PPP1R9A: variants seen among roughly 807,000 people sequenced by gnomAD.
PPP1R9A encodes the protein neurabin-1.
A neutral mutation model predicts 141.9 loss-of-function variants in PPP1R9A; 59 were observed. That is an observed-to-expected ratio of 0.42 (90% CI 0.34 to 0.52). PPP1R9A has a LOEUF of 0.52. Among genes scored for constraint, PPP1R9A ranks in the 20% least tolerant of loss-of-function variants. The pLI is 0.10. For missense variants in PPP1R9A, 1,444 were observed against 1,611.9 expected (o/e 0.90, Z 1.78); for synonymous variants, 500 against 569.7 (o/e 0.88, Z 1.74).
intron 6 of PPP1R9A, 94 bp downstream of exon 6, chr7:95,198,578 C>T (rs890607339): frequency 1.5e-6 from 2 of 1,373,478 alleles, no homozygotes; most frequent in South Asian, 4.0e-5. Context: ...TATGCAGTTT[C>T]TTGAGGAAGG....
In PPP1R9A at chr7:95,120,882, T is replaced by C. The variant is rs768082894; in HGVS notation, c.1649+50T>C. ...ACTTAAAATCTTTAGAGAACTTTCC[T>C]GGAAGTTTCCTTCAGTTGTAGCTTT... On this transcript the variant is annotated intron_variant, in intron 4 of 19. Transcript: ENST00000433360. 4 of 1,556,530 alleles carry C rather than the reference T, an allele frequency of 2.6e-6. 1 individual carries two copies. Among genetic ancestry groups the C allele is most frequent in the South Asian group, 2.5e-5 (2 of 80,530 alleles).
At chr7:95,230,478 A>G (rs1795770944) in intron 8 of PPP1R9A, among the ~76,000 whole-genome samples, 1 of 152,098 alleles carries the variant, frequency 6.6e-6, no homozygotes. Flanking sequence ...AACAGTCACA[A>G]CTTCTGGAAA....
At chr7:95,282,175 A>T (rs1490563906) in intron 16 of PPP1R9A, among the ~76,000 whole-genome samples, 1 of 152,118 alleles carries the variant, frequency 6.6e-6, no homozygotes, top group Non-Finnish European at 1.5e-5. Flanking sequence ...TACAAAAAAT[A>T]AAAAAGTTAG....
In PPP1R9A at chr7:94,910,463, A is replaced by G. The variant is rs368743894; in HGVS notation, c.350A>G (p.Glu117Gly). 2.7e-5 allele frequency: 43 copies of G among 1,614,090 alleles called. No homozygotes were observed. In the East Asian group the frequency reaches 2.7e-4, roughly 10 times the overall value. The change falls in exon 2 of 20, where the codon GAG becomes GGG. Residue 117 changes from glutamate to glycine, a missense_variant. By Grantham distance (98) the Glu-to-Gly change is moderately conservative. Coordinates refer to ENST00000433360, the MANE Select transcript of PPP1R9A (RefSeq NM_001166160.2). The surrounding 1 kb of genome is among the most constrained non-coding windows in gnomAD (Gnocchi z 4.5). ...EKTDGSVVKL[E>G]SSVSERISRF... ...ACAGATGGCTCAGTTGTTAAGTTGG[A>G]GTCTTCTGTTTCTGAACGAATTAGT...
At chr7:95,076,975 T>C (rs548122541) in intron 2 of PPP1R9A, among the ~76,000 whole-genome samples, 112 of 152,272 alleles carry the variant, frequency 7.4e-4, no homozygotes, top group Middle Eastern at 3.4e-3. Context: ...CCAATGTTTA[T>C]ACCTTTTATT....
intron 5 of PPP1R9A, among the ~76,000 whole-genome samples, chr7:95,171,290 A>G (rs1282252999): frequency 2.0e-5 from 3 of 151,632 alleles, no homozygotes; most frequent in Non-Finnish European, 3.0e-5. Context: ...AGAGATTGTC[A>G]TATTATATTT....
intron 14 of PPP1R9A, among the ~76,000 whole-genome samples, chr7:95,270,206 C>T (rs1400001844): frequency 6.6e-6 from 1 of 152,136 alleles, no homozygotes; most frequent in Admixed American, 6.5e-5. Context: ...AAGAAAGCTT[C>T]CTGATGCCTG....
rs760655541 is a variant in PPP1R9A at position 94,911,084 on chromosome 7, C to T, written c.971C>T (p.Pro324Leu). The T allele has an allele frequency of 6.2e-7, 1 of 1,614,156 alleles. No individual in the cohort carries two copies. Among genetic ancestry groups the T allele is most frequent in the Non-Finnish European group, 8.5e-7 (1 of 1,180,018 alleles). Reference sequence around the variant, plus strand: ...ATTGACAAAGATGGTCCTGAAGAACCTTGTGCTGAAAGTAAGGCAATGCCA... The same window carrying T: ...ATTGACAAAGATGGTCCTGAAGAACTTTGTGCTGAAAGTAAGGCAATGCCA... The part of the protein sequence containing the change: ...DSIDKDGPEE[P>L]CAESKAMPKS... Residue 324 changes from proline (P) to leucine (L), a missense_variant, in exon 2 of 20, where the codon CCT becomes CTT. Pro to Leu is a moderately conservative substitution (Grantham distance 98). This residue lies in a region of PPP1R9A where 490 missense variants were observed against 521.1 expected (regional missense o/e 0.94). Coordinates refer to ENST00000433360, the MANE Select transcript of PPP1R9A (RefSeq NM_001166160.2).
At chr7:95,189,004 A>T (rs1375295752) in intron 5 of PPP1R9A, among the ~76,000 whole-genome samples, 1 of 152,110 alleles carries the variant, frequency 6.6e-6, no homozygotes, top group African/African-American at 2.4e-5. Flanking sequence ...TTCTCTCAGC[A>T]TTTATTTCTT....
chr7:95,261,862 G>T (rs183307579), intron 12 of PPP1R9A, among the ~76,000 whole-genome samples: 2 of 152,188 alleles, frequency 1.3e-5, no homozygotes, highest in African/African-American at 4.8e-5. Context: ...ACACTTCCAA[G>T]GATTGTGAAC....
chr7:95,235,953 A>T (rs963966877), intron 8 of PPP1R9A, among the ~76,000 whole-genome samples: 2 of 152,174 alleles, frequency 1.3e-5, no homozygotes, highest in Non-Finnish European at 2.9e-5. Flanking sequence ...ATGGGTACAC[A>T]AAGGCATGAG....
chr7:95,019,202 CT>C (rs1563127613), intron 2 of PPP1R9A, among the ~76,000 whole-genome samples: 1 of 152,110 alleles, frequency 6.6e-6, no homozygotes. Flanking sequence ...CGAGACCAGC[CT>C]GGCTAACATG....
intron 2 of PPP1R9A, among the ~76,000 whole-genome samples, chr7:95,109,683 A>C (rs1019633604): frequency 1.3e-5 from 2 of 152,032 alleles, no homozygotes; most frequent in Non-Finnish European, 2.9e-5. Flanking sequence ...TCTAAAAAAA[A>C]ATTTTTTTTA....
chr7:95,157,329 T>A (rs1355397172), intron 4 of PPP1R9A, among the ~76,000 whole-genome samples: 1 of 152,018 alleles, frequency 6.6e-6, no homozygotes. Flanking sequence ...CCTAGGGAAG[T>A]GGAGCTCCTG....
chr7:95,230,238 A>G (rs1795734722), intron 8 of PPP1R9A, among the ~76,000 whole-genome samples: 1 of 152,252 alleles, frequency 6.6e-6, no homozygotes, highest in African/African-American at 2.4e-5. Context: ...CAATTCTGGT[A>G]TATGACAAAA....
At chr7:95,174,974 G>A (rs1585080782) in intron 5 of PPP1R9A, 1 of 152,198 alleles carries the variant, frequency 6.6e-6, no homozygotes, top group East Asian at 1.9e-4. Flanking sequence ...CCGCTTCCCA[G>A]CGAACTCATT....
intron 7 of PPP1R9A, among the ~76,000 whole-genome samples, chr7:95,217,429 C>G (rs890299599): frequency 6.0e-5 from 9 of 151,164 alleles, no homozygotes; most frequent in African/African-American, 2.2e-4. Context: ...CTAAAATTCT[C>G]TTTTTTTTTG....
intron 1 of PPP1R9A, chr7:94,908,036 G>C (rs1790966511): frequency 6.7e-6 from 1 of 149,936 alleles, no homozygotes; most frequent in Non-Finnish European, 1.5e-5. Context: ...GCGGGCCGGC[G>C]CCGAGCCGAG....
intron 7 of PPP1R9A, among the ~76,000 whole-genome samples, chr7:95,222,738 G>C (rs539503650): frequency 8.6e-4 from 130 of 151,956 alleles, no homozygotes; most frequent in African/African-American, 3.0e-3. Context: ...AGTAATTTTG[G>C]GTTTTGTTGG....
Sources: gnomAD v4.1 joint callset for allele counts (sites outside exome capture counted in the v4.1 genomes callset) on GRCh38, gnomAD v4.1.1 for gene constraint, gnomAD v4.1.1 regional missense constraint, Gnocchi (gnomAD v3.1) non-coding constraint, MANE v1.5 for transcripts, NCBI Gene and HGNC (gene_info 2026-07-23, HGNC 2026-07-21) for gene names.